Variants in P2RX7 observed in about 807,000 individuals in gnomAD.
The protein encoded by P2RX7 is P2X purinoceptor 7.
Under a neutral mutation model 71.6 loss-of-function variants are expected in P2RX7, and 62 were observed. The observed-to-expected ratio is 0.87, with a 90% CI of 0.71 to 1.07. P2RX7 has a LOEUF of 1.07. Ranked by LOEUF, P2RX7 falls within the 50% of genes least tolerant of loss-of-function variation. P2RX7 has a pLI of 0.00. For missense variants in P2RX7, 686 were observed against 748.5 expected, an observed-to-expected ratio of 0.92 and a Z score of 0.97; for synonymous variants, 299 against 283.3, an observed-to-expected ratio of 1.06 and a Z score of -0.56.
intron 1 of P2RX7, among the ~76,000 whole-genome samples, chr12:121,134,273 G>A (rs1873034655): frequency 6.6e-6 from 1 of 152,216 alleles, no homozygotes; most frequent in Non-Finnish European, 1.5e-5. Flanking sequence ...GGAATGTGGA[G>A]CTGAATTTCA....
intron 8 of P2RX7, among the ~76,000 whole-genome samples, chr12:121,172,245 T>C (rs1335066964): frequency 6.6e-6 from 1 of 152,194 alleles, no homozygotes; most frequent in Non-Finnish European, 1.5e-5. Flanking sequence ...TACTACACAA[T>C]GTTAACCTTC....
At chr12:121,153,498 C>T (rs545632638) in intron 1 of P2RX7, among the ~76,000 whole-genome samples, 4 of 151,894 alleles carry the variant, frequency 2.6e-5, no homozygotes, top group Admixed American at 6.5e-5. Context: ...ACCAACATGG[C>T]GAAACCTTGT....
chr12:121,145,307 T>C (rs1875896430), intron 1 of P2RX7, among the ~76,000 whole-genome samples: 1 of 152,160 alleles, frequency 6.6e-6, no homozygotes, highest in Non-Finnish European at 1.5e-5. Context: ...TCACAGTCAG[T>C]GTCAACTGCT....
intron 5 of P2RX7, 130 bp downstream of exon 5, chr12:121,162,650 C>G: frequency 9.8e-7 from 1 of 1,025,630 alleles, no homozygotes; most frequent in South Asian, 1.6e-5. Flanking sequence ...TTGGGGACCC[C>G]TGCGCTCTGG....
At chr12:121,159,357 C>T (rs1457836875) in intron 3 of P2RX7, among the ~76,000 whole-genome samples, 1 of 132,804 alleles carries the variant, frequency 7.5e-6, no homozygotes, top group African/African-American at 2.9e-5. Context: ...GTGGAGGTTA[C>T]AGTGAGCCAA....
Position 121,175,373 on chromosome 12 carries a change from C to T in P2RX7, c.882-15C>T. 1 of 1,548,916 alleles carries T rather than the reference C, an allele frequency of 6.5e-7. No individual in the cohort carries two copies. Among genetic ancestry groups the T allele is most frequent in the Non-Finnish European group, 8.9e-7 (1 of 1,125,676 alleles). ...CAAAGGGATCTTACAAATACAGATC[C>T]TTTTCTTCCTACAGATACGCCAAGT... is the stretch of plus-strand genomic sequence containing the variant. On this transcript the variant is annotated splice_polypyrimidine_tract_variant and intron_variant, in intron 8 of 12. Coordinates refer to ENST00000328963, the MANE Select transcript of P2RX7 (RefSeq NM_002562.6).
chr12:121,172,054 G>T (rs1304652135), intron 8 of P2RX7, among the ~76,000 whole-genome samples: 3 of 151,768 alleles, frequency 2.0e-5, no homozygotes, highest in Non-Finnish European at 4.4e-5. Flanking sequence ...GTACAGACGG[G>T]GTTTCACCAT....
chr12:121,163,357 C>T (rs1002285217), intron 5 of P2RX7, among the ~76,000 whole-genome samples: 7 of 79,840 alleles, frequency 8.8e-5, no homozygotes, highest in Non-Finnish European at 8.8e-5. Context: ...CACACACACA[C>T]GCACACACAC....
intron 8 of P2RX7, among the ~76,000 whole-genome samples, chr12:121,172,833 C>T (rs996383223): frequency 1.3e-5 from 2 of 152,196 alleles, no homozygotes; most frequent in African/African-American, 2.4e-5. Context: ...ATGTTTCTTA[C>T]TATTTTTTGG....
At chr12:121,136,023 A>AAAAAAAAAAAATAT in intron 1 of P2RX7, among the ~76,000 whole-genome samples, 74 of 15,240 alleles carry the variant, frequency 4.9e-3, no homozygotes, top group African/African-American at 8.1e-3. Context: ...AAAAAAAAAA[A>AAAAAAAAAAAATAT]ATATATATAT....
At chr12:121,155,631 C>T (rs538067968) in intron 2 of P2RX7, among the ~76,000 whole-genome samples, 38 of 152,084 alleles carry the variant, frequency 2.5e-4, no homozygotes, top group Non-Finnish European at 4.6e-4. Context: ...TTGTTTCTAA[C>T]AGTGGGTCAT....
intron 8 of P2RX7, among the ~76,000 whole-genome samples, chr12:121,170,065 T>C (rs997867227): frequency 1.3e-5 from 2 of 152,128 alleles, no homozygotes; most frequent in East Asian, 1.9e-4. Context: ...GACGTTTGAG[T>C]TTGAAACCCT....
intron 7 of P2RX7, 41 bp downstream of exon 7, chr12:121,166,228 C>T (rs770126091): frequency 1.0e-5 from 16 of 1,596,600 alleles, no homozygotes; most frequent in Non-Finnish European, 1.4e-5. Context: ...GGCTGTGTGT[C>T]TAGGGATGGA....
At position 121,132,963 on chromosome 12, in the gene P2RX7, C is replaced by G; in HGVS notation, c.-8C>G. 1 of 1,613,342 alleles carries G rather than the reference C, an allele frequency of 6.2e-7. No homozygotes were observed. The highest frequency in any genetic ancestry group is 8.5e-7 in the Non-Finnish European group (1 of 1,179,896). ...GTCCAGCTCCGCGCAGGGAGGGAGG[C>G]TGTCACCATGCCGGCCTGCTGCAGC... On this transcript the variant is annotated 5_prime_UTR_variant, in exon 1 of 13. Transcript: ENST00000328963.
In P2RX7 at chr12:121,184,760, G is replaced by A. The variant is rs1621388; in HGVS notation, c.1746G>A (p.Pro582=). Residue 582 remains proline (P), a synonymous_variant, in exon 13 of 13, where the codon CCG becomes CCA. Transcript: ENST00000328963. ...CCRWRIRKEF[P]KSEGQYSGFK... Reference sequence around the variant, plus strand: ...GCTGGAGGATCCGGAAAGAGTTTCCGAAGAGTGAAGGGCAGTACAGTGGCT... The same window carrying A: ...GCTGGAGGATCCGGAAAGAGTTTCCAAAGAGTGAAGGGCAGTACAGTGGCT... 0.39 allele frequency: 598,927 copies of A among 1,552,404 alleles called. 118,313 individuals carry two copies. The highest frequency in any genetic ancestry group is 0.45 in the African/African-American group (33,029 of 73,116).
chr12:121,145,663 C>A (rs1464356207), intron 1 of P2RX7, among the ~76,000 whole-genome samples: 3 of 151,972 alleles, frequency 2.0e-5, no homozygotes, highest in Non-Finnish European at 4.4e-5. Context: ...TGTGCCACCA[C>A]ACCCGCCTAA....
intron 1 of P2RX7, among the ~76,000 whole-genome samples, chr12:121,153,152 G>A (rs996421298): frequency 2.4e-4 from 36 of 152,174 alleles, no homozygotes; most frequent in East Asian, 1.7e-3. Context: ...CCCCCGACCC[G>A]TGGAATCCTA....
At chr12:121,152,944 G>A (rs79037236) in intron 1 of P2RX7, among the ~76,000 whole-genome samples, 10,520 of 152,182 alleles carry the variant, frequency 0.069, 598 homozygotes, top group Non-Finnish European at 0.095. Context: ...TAGCTCCTCC[G>A]GCACATGTAC....
At chr12:121,171,826 C>T (rs1358963937) in intron 8 of P2RX7, among the ~76,000 whole-genome samples, 1 of 151,328 alleles carries the variant, frequency 6.6e-6, no homozygotes, top group Non-Finnish European at 1.5e-5. Flanking sequence ...CAGGAGTCTG[C>T]CTCTGAACAC....
Sources: allele counts gnomAD v4.1 joint callset (sites outside exome capture counted in the v4.1 genomes callset), GRCh38; gene constraint gnomAD v4.1.1; transcripts MANE v1.5; gene names NCBI Gene and HGNC (gene_info 2026-07-23, HGNC 2026-07-21).